APBA2: variants seen among roughly 807,000 people sequenced by gnomAD.
APBA2 encodes the protein amyloid-beta A4 precursor protein-binding family A member 2.
Under a neutral mutation model 75.0 loss-of-function variants are expected in APBA2, and 30 were observed. The ratio of observed to expected loss-of-function variants is 0.40; its 90% CI spans 0.30 to 0.54. The LOEUF is 0.54. Ranked by LOEUF, APBA2 falls within the 20% of genes least tolerant of loss-of-function variation. APBA2 has a pLI of 0.49. For synonymous variants in APBA2, 444 were observed against 409.6 expected (o/e 1.08, Z -1.01); for missense variants, 801 against 1,016.1 (o/e 0.79, Z 2.88).
intron 4 of APBA2, among the ~76,000 whole-genome samples, chr15:29,074,580 G>A (rs942518965): frequency 3.1e-4 from 47 of 152,162 alleles, no homozygotes; most frequent in African/African-American, 1.1e-3. Flanking sequence ...TTCTGAAGGT[G>A]GATGGTGACC....
intron 3 of APBA2, among the ~76,000 whole-genome samples, chr15:29,050,851 A>G (rs1407619513): frequency 1.3e-5 from 2 of 152,220 alleles, no homozygotes. Flanking sequence ...CATACCTTCA[A>G]CGTGCACAGC....
rs2042786246 is a variant in APBA2 at position 29,074,977 on chromosome 15, T to C, written c.1008T>C (p.Pro336=). The change falls in exon 5 of 15, where the codon CCT becomes CCC. Residue 336 remains proline (P), a synonymous_variant. Transcript: ENST00000683413. ...RKQQRSDLNG[P]VDNNNIPETK... is the part of the protein sequence containing the mutation. ...AGCAGCGCTCTGATCTCAATGGACC[T>C]GTTGACAATAACAACATTCCAGAGG... 2.5e-6 allele frequency: 4 copies of C among 1,614,118 alleles called. No homozygotes were observed. Among genetic ancestry groups the C allele is most frequent in the South Asian group, 1.1e-5 (1 of 91,044 alleles).
chr15:29,027,815 A>C (rs2040297519), intron 3 of APBA2, among the ~76,000 whole-genome samples: 1 of 151,918 alleles, frequency 6.6e-6, no homozygotes, highest in African/African-American at 2.4e-5. Context: ...GTTAGCCAGG[A>C]TGGTCTCGAT....
chr15:28,894,731 G>A (rs1380939818), intron 1 of APBA2, among the ~76,000 whole-genome samples: 10 of 152,140 alleles, frequency 6.6e-5, no homozygotes, highest in African/African-American at 9.7e-5. Context: ...TTTACCAAGC[G>A]AACTCTAGGA....
intron 1 of APBA2, among the ~76,000 whole-genome samples, chr15:28,901,945 T>TGTG (rs546149569): frequency 9.4e-4 from 133 of 140,756 alleles, no homozygotes; most frequent in Middle Eastern, 3.7e-3. Context: ...TGTGTGTATG[T>TGTG]TGGGGGTCTG....
intron 4 of APBA2, among the ~76,000 whole-genome samples, chr15:29,072,378 G>A (rs576959478): frequency 6.6e-6 from 1 of 152,342 alleles, no homozygotes; most frequent in South Asian, 2.1e-4. Context: ...CCTCAACAGA[G>A]CTCTCTGGGG....
chr15:29,071,710 C>T (rs930289838), intron 4 of APBA2, among the ~76,000 whole-genome samples: 3 of 150,766 alleles, frequency 2.0e-5, no homozygotes. Flanking sequence ...ACCAGATGGG[C>T]TCTCCCAAGG....
Position 29,053,711 on chromosome 15 carries a change from C to T in APBA2, c.-40-134C>T, listed in dbSNP as rs148033686. 9.1e-3 allele frequency: 5,640 copies of T among 617,212 alleles called. 49 individuals carry two copies. Among genetic ancestry groups the T allele is most frequent in the Middle Eastern group, 0.018 (41 of 2,340 alleles). The allele number at this position is 617,212 out of a possible 1,614,324, so 38.2% of individuals were successfully genotyped here. ...GATGAGTTAGCGGGGGTGGGGATGG[C>T]GCACTGTTTGAACAGATGTGCCCTC... On this transcript the variant is annotated intron_variant, in intron 3 of 14. Transcript: ENST00000683413.
intron 2 of APBA2, among the ~76,000 whole-genome samples, chr15:28,984,760 C>CA (rs957695932): frequency 3.3e-5 from 5 of 151,272 alleles, no homozygotes; most frequent in South Asian, 4.2e-4. Flanking sequence ...CTCTCTCCCC[C>CA]CCCACCCCAC....
intron 13 of APBA2, among the ~76,000 whole-genome samples, chr15:29,112,206 C>T (rs2044771642): frequency 6.6e-6 from 1 of 152,228 alleles, no homozygotes; most frequent in Non-Finnish European, 1.5e-5. Flanking sequence ...GGGTTCCCCT[C>T]AGCCTCCATG....
chr15:28,948,719 C>G (rs1017812765), intron 2 of APBA2, among the ~76,000 whole-genome samples: 1 of 152,196 alleles, frequency 6.6e-6, no homozygotes, highest in African/African-American at 2.4e-5. Flanking sequence ...CTGATACAGT[C>G]TGTGCCCTGC....
chr15:29,104,239 C>A (rs567268417), intron 10 of APBA2, among the ~76,000 whole-genome samples: 1 of 152,348 alleles, frequency 6.6e-6, no homozygotes, highest in Admixed American at 6.5e-5. Flanking sequence ...CCGTGCAGGA[C>A]CCCCTTGAGG....
intron 2 of APBA2, among the ~76,000 whole-genome samples, chr15:28,985,894 C>T (rs1186025561): frequency 6.6e-6 from 1 of 152,308 alleles, no homozygotes; most frequent in East Asian, 1.9e-4. Context: ...CTGAACAGTC[C>T]TTCCTGATGG....
intron 2 of APBA2, among the ~76,000 whole-genome samples, chr15:28,934,009 G>C (rs1390707412): frequency 6.6e-6 from 1 of 152,076 alleles, no homozygotes; most frequent in African/African-American, 2.4e-5. Context: ...CAGGCAGAGA[G>C]AGCAGCTTGC....
intron 11 of APBA2, among the ~76,000 whole-genome samples, chr15:29,105,922 G>A (rs993797611): frequency 6.6e-6 from 1 of 152,256 alleles, no homozygotes; most frequent in Admixed American, 6.5e-5. Flanking sequence ...AGTAGCAGAG[G>A]CCTTAGCTGG....
At chr15:28,886,407 C>T (rs1173214280) in intron 1 of APBA2, 129 bp downstream of exon 1, 1 of 151,266 alleles carries the variant, frequency 6.6e-6, no homozygotes, top group Non-Finnish European at 1.5e-5. Context: ...AGAGCGCTGC[C>T]CTCCCGACTC....
intron 1 of APBA2, among the ~76,000 whole-genome samples, chr15:28,913,399 C>T (rs2033524462): frequency 6.6e-6 from 1 of 152,200 alleles, no homozygotes; most frequent in Admixed American, 6.5e-5. Flanking sequence ...CGCCTTGTTC[C>T]AGCTCCGGGA....
At chr15:28,975,795 C>A (rs2037304552) in intron 2 of APBA2, among the ~76,000 whole-genome samples, 1 of 152,312 alleles carries the variant, frequency 6.6e-6, no homozygotes, top group South Asian at 2.1e-4. Context: ...AACAAGATAC[C>A]ATTTCTCATG....
intron 3 of APBA2, among the ~76,000 whole-genome samples, chr15:29,043,335 G>C (rs2041145675): frequency 6.6e-6 from 1 of 152,214 alleles, no homozygotes; most frequent in Non-Finnish European, 1.5e-5. Context: ...GAAGGAAGAA[G>C]TTAGGCCCAA....
Sources: gnomAD v4.1 joint callset for allele counts (sites outside exome capture counted in the v4.1 genomes callset) on GRCh38, gnomAD v4.1.1 for gene constraint, MANE v1.5 for transcripts, NCBI Gene and HGNC (gene_info 2026-07-23, HGNC 2026-07-21) for gene names.